LHFPL3: variants seen among roughly 807,000 people sequenced by gnomAD.
The protein encoded by LHFPL3 is LHFPL tetraspan subfamily member 3.
In LHFPL3, 5 loss-of-function variants were observed where a neutral mutation model predicts 19.3. That is an observed-to-expected ratio of 0.26 (90% CI 0.14 to 0.54). LHFPL3 has a LOEUF of 0.54. LHFPL3 is among the 20% of genes least tolerant of loss of function. The pLI is 0.94. For missense variants in LHFPL3, 249 were observed against 307.4 expected (o/e 0.81, Z 1.42); for synonymous variants, 133 against 126.2 (o/e 1.05, Z -0.36).
At chr7:104,450,788 A>T (rs1184884794) in intron 1 of LHFPL3, among the ~76,000 whole-genome samples, 1 of 152,196 alleles carries the variant, frequency 6.6e-6, no homozygotes, top group East Asian at 1.9e-4. Flanking sequence ...ATCTAATGTG[A>T]TCTTTAAAAT....
chr7:104,443,861 G>A (rs1031320483), intron 1 of LHFPL3, among the ~76,000 whole-genome samples: 7 of 152,224 alleles, frequency 4.6e-5, no homozygotes, highest in African/African-American at 1.7e-4. Context: ...TGAGAGTGAA[G>A]AGGAGCATGC....
chr7:104,863,103 C>T (rs1791647198), intron 2 of LHFPL3, among the ~76,000 whole-genome samples: 1 of 152,174 alleles, frequency 6.6e-6, no homozygotes, highest in Non-Finnish European at 1.5e-5. Context: ...TCATACAGCC[C>T]TAACCTGCAC....
chr7:104,777,765 T>C (rs193177373), intron 2 of LHFPL3, among the ~76,000 whole-genome samples: 353 of 152,192 alleles, frequency 2.3e-3, no homozygotes, highest in Middle Eastern at 3.4e-3. Context: ...TTTTTTTTTT[T>C]CCCTTCGTTC....
At chr7:104,541,313 A>C (rs1337749860) in intron 1 of LHFPL3, among the ~76,000 whole-genome samples, 1 of 152,140 alleles carries the variant, frequency 6.6e-6, no homozygotes, top group Non-Finnish European at 1.5e-5. Context: ...CTTCCATTAA[A>C]ATGTAAATAA....
At chr7:104,863,169 T>G (rs139970581) in intron 2 of LHFPL3, among the ~76,000 whole-genome samples, 1 of 152,340 alleles carries the variant, frequency 6.6e-6, no homozygotes, top group Middle Eastern at 3.4e-3. Context: ...CAGATCTTAT[T>G]TTTTGTTGTT....
At chr7:104,330,457 TGTAGGATGA>T (rs1407699896) in intron 1 of LHFPL3, among the ~76,000 whole-genome samples, 2 of 152,220 alleles carry the variant, frequency 1.3e-5, no homozygotes, top group Non-Finnish European at 2.9e-5. Context: ...GACAGAGTGT[TGTAGGATGA>T]GTAGATACTT....
rs566564645 is a variant in LHFPL3, at chr7:104,857,857, C to G, written c.683-48330C>G. On this transcript the variant is annotated intron_variant, in intron 2 of 2. Coordinates refer to ENST00000424859, the MANE Select transcript of LHFPL3 (RefSeq NM_199000.3). Reference sequence around the variant, plus strand: ...CTAATAAATAAAGACTGAAACTATGCACAAGAGCAGCGGGGAGTTTTCTAG... The same window carrying G: ...CTAATAAATAAAGACTGAAACTATGGACAAGAGCAGCGGGGAGTTTTCTAG... 1.2e-3 allele frequency among the ~76,000 whole-genome samples: 185 copies of G among 152,286 alleles called. 1 individual carries two copies. The highest frequency in any genetic ancestry group is 1.5e-3 in the Non-Finnish European group (99 of 68,024).
intron 1 of LHFPL3, among the ~76,000 whole-genome samples, chr7:104,601,165 A>G (rs565625096): frequency 3.9e-5 from 6 of 152,206 alleles, no homozygotes; most frequent in Non-Finnish European, 8.8e-5. Context: ...GAGATGTTTC[A>G]TAAAGGGCTG....
intron 1 of LHFPL3, among the ~76,000 whole-genome samples, chr7:104,421,108 C>A (rs1377846121): frequency 2.0e-5 from 3 of 151,946 alleles, no homozygotes; most frequent in Non-Finnish European, 2.9e-5. Flanking sequence ...AGGATAACTA[C>A]GCAAAAGAGG....
At chr7:104,481,307 C>T (rs1202708975) in intron 1 of LHFPL3, among the ~76,000 whole-genome samples, 1 of 152,174 alleles carries the variant, frequency 6.6e-6, no homozygotes, top group Admixed American at 6.5e-5. Context: ...TTCTGAAATG[C>T]CAAGCTCTTC....
chr7:104,651,033 CAGCAGCGGGGTA>C (rs1323730540), intron 1 of LHFPL3, among the ~76,000 whole-genome samples: 5 of 152,266 alleles, frequency 3.3e-5, no homozygotes, highest in African/African-American at 9.6e-5. Flanking sequence ...CCTCGGAGTA[CAGCAGCGGGGTA>C]AGAGAGCAGC....
intron 2 of LHFPL3, among the ~76,000 whole-genome samples, chr7:104,745,289 C>A (rs566542434): frequency 4.5e-4 from 69 of 152,306 alleles, no homozygotes; most frequent in Non-Finnish European, 8.7e-4. Flanking sequence ...AAAGAGATAG[C>A]AGGAACTGCA....
chr7:104,444,758 G>A (rs1048506468), intron 1 of LHFPL3, among the ~76,000 whole-genome samples: 4 of 152,150 alleles, frequency 2.6e-5, no homozygotes, highest in East Asian at 3.9e-4. Context: ...GGAGGCCGAG[G>A]CAGGCAGATC....
intron 2 of LHFPL3, among the ~76,000 whole-genome samples, chr7:104,750,935 T>C (rs1346722180): frequency 3.3e-5 from 5 of 151,776 alleles, no homozygotes; most frequent in Admixed American, 1.3e-4. Context: ...ATCTTGGACA[T>C]AAGTCAGGTG....
chr7:104,749,330 T>G (rs1478975447), intron 2 of LHFPL3, among the ~76,000 whole-genome samples: 1 of 152,294 alleles, frequency 6.6e-6, no homozygotes, highest in East Asian at 1.9e-4. Context: ...ATCAATATAA[T>G]GAATAATATA....
At chr7:104,521,424 G>A (rs908507797) in intron 1 of LHFPL3, among the ~76,000 whole-genome samples, 1 of 152,150 alleles carries the variant, frequency 6.6e-6, no homozygotes, top group Non-Finnish European at 1.5e-5. Flanking sequence ...TGTATATTCT[G>A]TTGATTTGGG....
At chr7:104,454,764 C>CTTG (rs1327722371) in intron 1 of LHFPL3, among the ~76,000 whole-genome samples, 1 of 152,148 alleles carries the variant, frequency 6.6e-6, no homozygotes, top group Non-Finnish European at 1.5e-5. Flanking sequence ...TCCTCCCCAA[C>CTTG]CCATAAATGC....
At chr7:104,665,607 T>C (rs142579847) in intron 1 of LHFPL3, among the ~76,000 whole-genome samples, 90 of 152,344 alleles carry the variant, frequency 5.9e-4, no homozygotes, top group African/African-American at 2.1e-3. Flanking sequence ...GCTATGATTA[T>C]AGATGTTATA....
At chr7:104,630,065 G>T (rs1469774805) in intron 1 of LHFPL3, among the ~76,000 whole-genome samples, 1 of 152,120 alleles carries the variant, frequency 6.6e-6, no homozygotes, top group African/African-American at 2.4e-5. Context: ...CATAGTACCA[G>T]GTCCCTCAAG....
Sources: allele counts gnomAD v4.1 joint callset (sites outside exome capture counted in the v4.1 genomes callset), GRCh38; gene constraint gnomAD v4.1.1; transcripts MANE v1.5; gene names NCBI Gene and HGNC (gene_info 2026-07-23, HGNC 2026-07-21).